Variants in JARID2 observed in about 807,000 individuals in gnomAD.
The protein encoded by JARID2 is jumonji and AT-rich interaction domain containing 2.
In JARID2, 21 loss-of-function variants were observed where a neutral mutation model predicts 125.6. That is an observed-to-expected ratio of 0.17 (90% CI 0.12 to 0.24). The LOEUF is 0.24. JARID2 is among the 10% of genes least tolerant of loss of function. JARID2 has a pLI of 1.00. For missense variants in JARID2, 1,303 were observed against 1,639.6 expected, an observed-to-expected ratio of 0.79 and a Z score of 3.55; for synonymous variants, 736 against 661.6, an observed-to-expected ratio of 1.11 and a Z score of -1.73.
At chr6:15,286,675 AC>A (rs779958496) in intron 1 of JARID2, among the ~76,000 whole-genome samples, 23 of 151,826 alleles carry the variant, frequency 1.5e-4, no homozygotes, top group Non-Finnish European at 2.7e-4. Context: ...CCTGGCTAAC[AC>A]GGTGAAACCC....
At chr6:15,375,148 T>C (rs1271548664) in intron 2 of JARID2, among the ~76,000 whole-genome samples, 2 of 152,154 alleles carry the variant, frequency 1.3e-5, no homozygotes, top group Non-Finnish European at 2.9e-5. Context: ...ACCACCTTAG[T>C]TGTATGGTGA....
intron 2 of JARID2, among the ~76,000 whole-genome samples, chr6:15,394,581 A>G (rs1466797785): frequency 6.6e-6 from 1 of 152,216 alleles, no homozygotes; most frequent in East Asian, 1.9e-4. Flanking sequence ...CGTGGGACAC[A>G]GAGCAAGACC....
intron 5 of JARID2, among the ~76,000 whole-genome samples, chr6:15,475,663 T>C (rs1229758894): frequency 6.6e-6 from 1 of 152,192 alleles, no homozygotes; most frequent in Non-Finnish European, 1.5e-5. Context: ...CCTTGGTGAA[T>C]AGAAGCAAAA....
chr6:15,348,934 A>G (rs1419990411), intron 1 of JARID2, among the ~76,000 whole-genome samples: 2 of 152,230 alleles, frequency 1.3e-5, no homozygotes, highest in Non-Finnish European at 1.5e-5. Flanking sequence ...ATCTGAAGCA[A>G]TAGGATGGAA....
intron 2 of JARID2, among the ~76,000 whole-genome samples, chr6:15,400,122 A>G (rs1200440342): frequency 6.6e-6 from 1 of 152,134 alleles, no homozygotes; most frequent in African/African-American, 2.4e-5. Context: ...TCAAGAAACA[A>G]TGAGAGAAAA....
intron 2 of JARID2, among the ~76,000 whole-genome samples, chr6:15,400,110 C>T (rs1158861505): frequency 5.9e-5 from 9 of 152,186 alleles, no homozygotes; most frequent in Non-Finnish European, 1.2e-4. Flanking sequence ...TGTGAAAGAT[C>T]CTCAAGAAAC....
chr6:15,374,337 C>G, intron 2 of JARID2, 85 bp downstream of exon 2: 9 of 1,436,254 alleles, frequency 6.3e-6, no homozygotes, highest in Non-Finnish European at 8.7e-6. Flanking sequence ...ATTCTGGCAG[C>G]TTGTGCTTCC....
intron 1 of JARID2, among the ~76,000 whole-genome samples, chr6:15,319,363 T>G (rs1396135433): frequency 6.6e-6 from 1 of 152,200 alleles, no homozygotes; most frequent in African/African-American, 2.4e-5. Flanking sequence ...GTAGCCATTT[T>G]GTGTCTGAGT....
chr6:15,490,155 C>T (rs1218556284), intron 6 of JARID2, among the ~76,000 whole-genome samples: 1 of 152,126 alleles, frequency 6.6e-6, no homozygotes, highest in African/African-American at 2.4e-5. Context: ...TCCCTTGTGA[C>T]TGCTTGATAC....
chr6:15,516,662 G>A (rs1771577524), intron 16 of JARID2, among the ~76,000 whole-genome samples: 1 of 152,268 alleles, frequency 6.6e-6, no homozygotes, highest in Non-Finnish European at 1.5e-5. Context: ...GGACCACCAT[G>A]AGAACCTGTT....
intron 1 of JARID2, among the ~76,000 whole-genome samples, chr6:15,314,732 G>A (rs910220666): frequency 6.6e-6 from 1 of 152,210 alleles, no homozygotes; most frequent in African/African-American, 2.4e-5. Context: ...GGTAGACACT[G>A]TAGGTTAGGG....
Position 15,450,107 on chromosome 6 carries a change from A to G in JARID2, c.324-1899A>G, listed in dbSNP as rs1406155721. On this transcript the variant is annotated intron_variant, in intron 3 of 17. Transcript: ENST00000341776. ...AGATAAATGCTTACTATTTTATATA[A>G]TCCACTCCCAACCATGTCTTTAAGG... is the stretch of plus-strand genomic sequence containing the variant. Among the ~76,000 whole-genome samples, 4 of 152,202 alleles carry G rather than the reference A, an allele frequency of 2.6e-5. No homozygotes were observed. The Middle Eastern group carries it at 0.014, about 518-fold the overall frequency.
At position 15,374,125 on chromosome 6, in the gene JARID2, T is replaced by C. The variant is rs1764265426; in HGVS notation, c.54T>C (p.Ser18=). 6.2e-7 allele frequency: 1 copy of C among 1,613,992 alleles called. No homozygotes were observed. ...RNIIQKKYDD[S]DGIPWSEERV... ...TTCTTATGTTTCTTCAGGATGACAGTGATGGGATTCCGTGGTCAGAAGAAC... is the reference window on the plus strand; with the variant it reads ...TTCTTATGTTTCTTCAGGATGACAGCGATGGGATTCCGTGGTCAGAAGAAC... Residue 18 remains serine (S), a synonymous_variant, in exon 2 of 18, where the codon AGT becomes AGC. Coordinates refer to ENST00000341776, the MANE Select transcript of JARID2 (RefSeq NM_004973.4).
At chr6:15,323,704 T>TCG (rs754897996) in intron 1 of JARID2, among the ~76,000 whole-genome samples, 1 of 152,086 alleles carries the variant, frequency 6.6e-6, no homozygotes, top group Non-Finnish European at 1.5e-5. Context: ...AGCAGGCAGA[T>TCG]CGCAACATGG....
chr6:15,310,628 C>CCTT (rs1761980164), intron 1 of JARID2, among the ~76,000 whole-genome samples: 1 of 152,062 alleles, frequency 6.6e-6, no homozygotes, highest in South Asian at 2.1e-4. Flanking sequence ...AAGGGGATGC[C>CCTT]CTTCTACATA....
chr6:15,306,996 C>G (rs1425308000), intron 1 of JARID2, among the ~76,000 whole-genome samples: 1 of 150,274 alleles, frequency 6.7e-6, no homozygotes, highest in Non-Finnish European at 1.5e-5. Context: ...AATCCCAGCA[C>G]TTTGGGAGGC....
chr6:15,406,452 G>A (rs1431227219), intron 2 of JARID2, among the ~76,000 whole-genome samples: 2 of 152,156 alleles, frequency 1.3e-5, no homozygotes, highest in East Asian at 3.9e-4. Flanking sequence ...GGAGAGGGGA[G>A]CCTATGGCCC....
chr6:15,514,295 C>T (rs183854508), intron 16 of JARID2, among the ~76,000 whole-genome samples: 7 of 152,374 alleles, frequency 4.6e-5, no homozygotes, highest in Non-Finnish European at 1.5e-5. Flanking sequence ...CACACCTTAG[C>T]CTGGAACAGA....
chr6:15,314,317 A>G (rs995371348), intron 1 of JARID2, among the ~76,000 whole-genome samples: 54 of 132,022 alleles, frequency 4.1e-4, no homozygotes, highest in African/African-American at 1.7e-3. Flanking sequence ...GCTAGAATAT[A>G]AAGTAATACA....
Sources: gnomAD v4.1 joint callset for allele counts (sites outside exome capture counted in the v4.1 genomes callset) on GRCh38, gnomAD v4.1.1 for gene constraint, MANE v1.5 for transcripts, NCBI Gene and HGNC (gene_info 2026-07-23, HGNC 2026-07-21) for gene names.